CCSER1: variants seen among roughly 807,000 people sequenced by gnomAD.
The protein encoded by CCSER1 is coiled-coil serine rich protein 1, also known as serine-rich coiled-coil domain-containing protein 1.
A neutral mutation model predicts 82.0 loss-of-function variants in CCSER1; 41 were observed. That is an observed-to-expected ratio of 0.50 (90% CI 0.39 to 0.65). The LOEUF (loss-of-function observed/expected upper bound fraction) is 0.65, where lower values mean the gene tolerates loss of function less well. CCSER1 is among the 30% of genes least tolerant of loss of function. The probability of loss-of-function intolerance (pLI) is 0.00; values close to 1 mark genes in which losing one functional copy is unlikely to be tolerated. For missense variants in CCSER1, 1,119 were observed against 1,064.2 expected (o/e 1.05, Z -0.72); for synonymous variants, 414 against 383.9 (o/e 1.08, Z -0.92).
chr4:90,158,932 C>T (rs931542283), intron 1 of CCSER1, among the ~76,000 whole-genome samples: 1 of 152,086 alleles, frequency 6.6e-6, no homozygotes, highest in Non-Finnish European at 1.5e-5. Context: ...GAACCCAGTA[C>T]CTCAGATGGA....
intron 6 of CCSER1, among the ~76,000 whole-genome samples, chr4:90,688,146 A>G (rs991754962): frequency 1.3e-5 from 2 of 152,188 alleles, no homozygotes; most frequent in Admixed American, 6.5e-5. Flanking sequence ...GAGTCTACCT[A>G]GGCCACGTGT....
Position 91,440,418 on chromosome 4 carries a change from G to A in CCSER1, c.2218-158154G>A, listed in dbSNP as rs183092120. Reference sequence around the variant, plus strand: ...AATAAAGATGTTCTTTGAAACCAATGAGAACAAAGAAAGATACAACATACC... The same window carrying A: ...AATAAAGATGTTCTTTGAAACCAATAAGAACAAAGAAAGATACAACATACC... On this transcript the variant is annotated intron_variant, in intron 10 of 10. Transcript: ENST00000509176. Among the ~76,000 whole-genome samples, 108 of 152,274 alleles carry A rather than the reference G, an allele frequency of 7.1e-4. 1 individual carries two copies. Among genetic ancestry groups the A allele is most frequent in the Admixed American group, 6.0e-3 (91 of 15,292 alleles).
intron 10 of CCSER1, among the ~76,000 whole-genome samples, chr4:91,152,783 A>G (rs1730374185): frequency 6.7e-6 from 1 of 148,864 alleles, no homozygotes; most frequent in Non-Finnish European, 1.5e-5. Context: ...TATGAAGCTT[A>G]GTTTGGCTGG....
chr4:90,399,589 T>C (rs111957028), intron 3 of CCSER1, among the ~76,000 whole-genome samples: 3,676 of 152,218 alleles, frequency 0.024, 133 homozygotes, highest in African/African-American at 0.083. Context: ...GAGTTTCATT[T>C]CACAGACTTC....
intron 10 of CCSER1, among the ~76,000 whole-genome samples, chr4:91,236,880 G>A (rs945774243): frequency 6.6e-6 from 1 of 152,148 alleles, no homozygotes; most frequent in Non-Finnish European, 1.5e-5. Flanking sequence ...TTTAAATAAA[G>A]GAGTGAATAC....
intron 7 of CCSER1, among the ~76,000 whole-genome samples, chr4:90,802,921 TA>T (rs954320335): frequency 6.6e-6 from 1 of 152,078 alleles, no homozygotes; most frequent in Non-Finnish European, 1.5e-5. Context: ...CACTTGTTCA[TA>T]AAATTCTGTC....
In CCSER1 at chr4:91,557,319, G is replaced by A. The variant is rs1762452170; in HGVS notation, c.2218-41253G>A. 4.6e-5 allele frequency among the ~76,000 whole-genome samples: 7 copies of A among 151,202 alleles called. No homozygotes were observed. In the Admixed American group the frequency reaches 4.6e-4, roughly 10 times the overall value. On this transcript the variant is annotated intron_variant, in intron 10 of 10. Coordinates refer to ENST00000509176, the MANE Select transcript of CCSER1 (RefSeq NM_001145065.2). The stretch of plus-strand genomic sequence containing the variant: ...CTGGAATTGAATACCTTGTGCTATT[G>A]ACTTAAAGTTATAAGATAGCCCTGA...
chr4:90,234,891 T>C (rs1745478649), intron 1 of CCSER1: 1 of 152,162 alleles, frequency 6.6e-6, no homozygotes, highest in African/African-American at 2.4e-5. Flanking sequence ...TTCCATCCCG[T>C]CATGACCATT....
intron 9 of CCSER1, among the ~76,000 whole-genome samples, chr4:90,980,070 G>A (rs1438077954): frequency 6.6e-6 from 1 of 151,840 alleles, no homozygotes; most frequent in East Asian, 1.9e-4. Context: ...TAAATAATCA[G>A]GGTGGATGCT....
In CCSER1 at chr4:90,667,581, G is replaced by A. The variant is rs575657471; in HGVS notation, c.1932+39349G>A. On this transcript the variant is annotated intron_variant, in intron 6 of 10. Transcript: ENST00000509176. Reference sequence around the variant, plus strand: ...TTGTTCAACTCCCACTTACGAGTGAGAGCATGAAGTGTTTGGTTTTCTGTT... The same window carrying A: ...TTGTTCAACTCCCACTTACGAGTGAAAGCATGAAGTGTTTGGTTTTCTGTT... 2.6e-5 allele frequency among the ~76,000 whole-genome samples: 4 copies of A among 152,254 alleles called. No individual in the cohort carries two copies. In the South Asian group the frequency reaches 8.3e-4, roughly 32 times the overall value.
intron 10 of CCSER1, among the ~76,000 whole-genome samples, chr4:91,387,539 A>G (rs1224811839): frequency 6.6e-6 from 1 of 152,048 alleles, no homozygotes; most frequent in Non-Finnish European, 1.5e-5. Flanking sequence ...AGGAAGCCAT[A>G]TATATTAAAT....
intron 10 of CCSER1, among the ~76,000 whole-genome samples, chr4:91,590,611 C>T (rs538624388): frequency 6.6e-6 from 1 of 152,220 alleles, no homozygotes; most frequent in South Asian, 2.1e-4. Context: ...AATGATTGTA[C>T]TTGAGAAAGA....
At chr4:91,046,347 T>C (rs376086263) in intron 9 of CCSER1, among the ~76,000 whole-genome samples, 28 of 133,236 alleles carry the variant, frequency 2.1e-4, no homozygotes, top group East Asian at 1.5e-3. Context: ...TTTTCATTTT[T>C]AGAAAATTCT....
At chr4:90,766,093 A>G (rs1175720004) in intron 7 of CCSER1, among the ~76,000 whole-genome samples, 1 of 152,110 alleles carries the variant, frequency 6.6e-6, no homozygotes, top group East Asian at 1.9e-4. Flanking sequence ...TCTGTAATTA[A>G]GTAACCTAGA....
At chr4:90,439,023 G>T (rs535594219) in intron 4 of CCSER1, among the ~76,000 whole-genome samples, 1 of 152,152 alleles carries the variant, frequency 6.6e-6, no homozygotes, top group Non-Finnish European at 1.5e-5. Flanking sequence ...GCTGGGCACG[G>T]TGGCTCACAC....
intron 10 of CCSER1, among the ~76,000 whole-genome samples, chr4:91,116,816 C>T (rs541256313): frequency 1.3e-4 from 20 of 152,048 alleles, no homozygotes; most frequent in Middle Eastern, 3.4e-3. Flanking sequence ...TTAGTTTTAC[C>T]GAGTGGGAAG....
intron 4 of CCSER1, among the ~76,000 whole-genome samples, chr4:90,437,254 C>T (rs897361212): frequency 5.3e-5 from 8 of 151,786 alleles, no homozygotes; most frequent in Non-Finnish European, 8.8e-5. Context: ...TGCACACATA[C>T]GCACACATGC....
chr4:91,344,690 T>C (rs1032821570), intron 10 of CCSER1, among the ~76,000 whole-genome samples: 1 of 151,318 alleles, frequency 6.6e-6, no homozygotes, highest in African/African-American at 2.4e-5. Flanking sequence ...GAAGAAATAG[T>C]GAATGGCATT....
intron 10 of CCSER1, among the ~76,000 whole-genome samples, chr4:91,219,697 A>G (rs927741378): frequency 2.7e-4 from 41 of 152,316 alleles, no homozygotes; most frequent in Admixed American, 2.5e-3. Flanking sequence ...AGCTACATTC[A>G]CTTAGGGCAA....
Sources: gnomAD v4.1 joint callset for allele counts (sites outside exome capture counted in the v4.1 genomes callset) on GRCh38, gnomAD v4.1.1 for gene constraint, MANE v1.5 for transcripts, NCBI Gene and HGNC (gene_info 2026-07-23, HGNC 2026-07-21) for gene names.